The following GULP1 variants were observed in gnomAD, a reference collection of about 807,000 sequenced individuals.
GULP1 encodes the protein PTB domain-containing engulfment adapter protein 1.
In GULP1, 19 loss-of-function variants were observed where a neutral mutation model predicts 40.9. That is an observed-to-expected ratio of 0.46 (90% CI 0.32 to 0.68). The LOEUF (loss-of-function observed/expected upper bound fraction) is 0.68. Ranked by LOEUF, GULP1 falls within the 30% of genes least tolerant of loss-of-function variation. The probability of loss-of-function intolerance (pLI) is 0.03; values close to 1 mark genes in which losing one functional copy is unlikely to be tolerated. For missense variants in GULP1, 312 were observed against 362.2 expected (o/e 0.86, Z 1.12); for synonymous variants, 119 against 117.6 (o/e 1.01, Z -0.08).
In GULP1 at chr2:188,373,713, A is replaced by G. The variant is rs115693783; in HGVS notation, c.-171-10050A>G. On this transcript the variant is annotated intron_variant, in intron 1 of 11. Transcript: ENST00000409830. The stretch of plus-strand genomic sequence containing the variant: ...TGTCTTTGGGAAGAGCTTCAAAGAC[A>G]TAAGAAAATACCTTATTAGAGTAGA... Among the ~76,000 whole-genome samples the G allele has an allele frequency of 7.8e-3, 1,179 of 152,110 alleles. 19 individuals carry two copies. Among genetic ancestry groups the G allele is most frequent in the African/African-American group, 0.027 (1,134 of 41,564 alleles).
chr2:188,426,659 C>T (rs779261419), intron 2 of GULP1, among the ~76,000 whole-genome samples: 61 of 152,236 alleles, frequency 4.0e-4, no homozygotes, highest in Middle Eastern at 3.4e-3. Context: ...GTTCTGTGAT[C>T]TCTGTTTTAA....
intron 4 of GULP1, among the ~76,000 whole-genome samples, chr2:188,508,088 C>T (rs1309113469): frequency 6.6e-6 from 1 of 151,666 alleles, no homozygotes; most frequent in Non-Finnish European, 1.5e-5. Context: ...TTTAAAAGGG[C>T]AGCTGAAAAA....
intron 1 of GULP1, among the ~76,000 whole-genome samples, chr2:188,308,641 A>C (rs538380138): frequency 2.3e-4 from 35 of 152,186 alleles, no homozygotes; most frequent in Non-Finnish European, 4.7e-4. Context: ...ATAGAATGCC[A>C]AGATGAGTTA....
chr2:188,404,623 A>G (rs1022514537), intron 2 of GULP1, among the ~76,000 whole-genome samples: 1 of 152,164 alleles, frequency 6.6e-6, no homozygotes, highest in African/African-American at 2.4e-5. Context: ...TCAGGCTTCA[A>G]GCTTGCCAAG....
chr2:188,354,941 T>G (rs2045067742), intron 1 of GULP1, among the ~76,000 whole-genome samples: 1 of 152,128 alleles, frequency 6.6e-6, no homozygotes, highest in Admixed American at 6.6e-5. Context: ...TGCTACTGAA[T>G]GACCAATAGA....
At chr2:188,570,420 GTTTCTAT>G (rs1463676355) in intron 9 of GULP1, among the ~76,000 whole-genome samples, 1 of 151,896 alleles carries the variant, frequency 6.6e-6, no homozygotes, top group Non-Finnish European at 1.5e-5. Context: ...TTCTTCTTTT[GTTTCTAT>G]TAATTACTAT....
intron 2 of GULP1, among the ~76,000 whole-genome samples, chr2:188,477,411 A>T (rs1575500700): frequency 1.3e-5 from 2 of 152,270 alleles, no homozygotes; most frequent in Middle Eastern, 3.4e-3. Flanking sequence ...TGATGGATAT[A>T]TAATAGAAAA....
chr2:188,315,352 A>T (rs1204333510), intron 1 of GULP1, among the ~76,000 whole-genome samples: 1 of 152,160 alleles, frequency 6.6e-6, no homozygotes, highest in Non-Finnish European at 1.5e-5. Context: ...CTATAGGAGA[A>T]AACATAGTAA....
intron 7 of GULP1, among the ~76,000 whole-genome samples, chr2:188,561,966 C>T (rs1696417859): frequency 6.6e-6 from 1 of 152,160 alleles, no homozygotes; most frequent in Non-Finnish European, 1.5e-5. Flanking sequence ...GTATTCTACC[C>T]GGCAGCTACA....
intron 2 of GULP1, among the ~76,000 whole-genome samples, chr2:188,390,409 C>CT (rs1489973651): frequency 2.0e-5 from 3 of 152,044 alleles, no homozygotes; most frequent in Non-Finnish European, 2.9e-5. Flanking sequence ...ATTTGTTTAT[C>CT]TGCTTTTGAG....
intron 1 of GULP1, among the ~76,000 whole-genome samples, chr2:188,319,414 T>C (rs1012847118): frequency 2.0e-5 from 3 of 152,168 alleles, no homozygotes; most frequent in Admixed American, 6.6e-5. Context: ...TTGATGTTAA[T>C]ACATTGAAAG....
chr2:188,474,635 C>G (rs1310206642), intron 2 of GULP1, among the ~76,000 whole-genome samples: 1 of 152,136 alleles, frequency 6.6e-6, no homozygotes, highest in Non-Finnish European at 1.5e-5. Context: ...TTCCTTCTAC[C>G]TTTTCAGTGC....
At chr2:188,365,743 C>T (rs2046697369) in intron 1 of GULP1, among the ~76,000 whole-genome samples, 1 of 152,158 alleles carries the variant, frequency 6.6e-6, no homozygotes, top group East Asian at 1.9e-4. Flanking sequence ...CAGGAATCTG[C>T]TTCCTATGTT....
At chr2:188,457,168 T>C (rs2152944734) in intron 2 of GULP1, among the ~76,000 whole-genome samples, 1 of 152,288 alleles carries the variant, frequency 6.6e-6, no homozygotes, top group African/African-American at 2.4e-5. Context: ...TTTGAGTTAA[T>C]GCTGAAATTA....
intron 5 of GULP1, among the ~76,000 whole-genome samples, chr2:188,524,596 A>G (rs940458575): frequency 7.0e-6 from 1 of 142,108 alleles, no homozygotes; most frequent in Non-Finnish European, 1.6e-5. Flanking sequence ...CTATTTTTAT[A>G]TATATATATT....
At position 188,357,448 on chromosome 2, in the gene GULP1, C is replaced by T. The variant is rs950856795; in HGVS notation, c.-171-26315C>T. 5.3e-5 allele frequency among the ~76,000 whole-genome samples: 8 copies of T among 152,128 alleles called. No individual in the cohort carries two copies. In the East Asian group the frequency reaches 1.2e-3, roughly 22 times the overall value. On this transcript the variant is annotated intron_variant, in intron 1 of 11. Coordinates refer to ENST00000409830, the MANE Select transcript of GULP1 (RefSeq NM_016315.4). ...AATTATCAGTAAGTATATGAGAAAACGCTTGACATCGCTAGTCATCAGGGT... is the reference window on the plus strand; with the variant it reads ...AATTATCAGTAAGTATATGAGAAAATGCTTGACATCGCTAGTCATCAGGGT...
At chr2:188,522,643 C>A in intron 4 of GULP1, 113 bp from the exon 5 acceptor site, 1 of 449,450 alleles carries the variant, frequency 2.2e-6, no homozygotes, top group Non-Finnish European at 4.2e-6. Flanking sequence ...ATTTAATTAA[C>A]ATATGAGTTT....
chr2:188,570,935 A>C (rs1698895401), intron 9 of GULP1, among the ~76,000 whole-genome samples: 1 of 152,174 alleles, frequency 6.6e-6, no homozygotes, highest in Non-Finnish European at 1.5e-5. Flanking sequence ...AGGCAGGCAG[A>C]TCATTTGAGC....
At chr2:188,342,645 A>G (rs35365782) in intron 1 of GULP1, among the ~76,000 whole-genome samples, 67,366 of 152,018 alleles carry the variant, frequency 0.44, 15,361 homozygotes, top group East Asian at 0.55. Context: ...CTTGGGTTTC[A>G]TATCATCTCA....
Sources: gnomAD v4.1 joint callset for allele counts (sites outside exome capture counted in the v4.1 genomes callset) on GRCh38, gnomAD v4.1.1 for gene constraint, MANE v1.5 for transcripts, NCBI Gene and HGNC (gene_info 2026-07-23, HGNC 2026-07-21) for gene names.